The following CADM1 variants were observed in gnomAD, a reference collection of about 807,000 sequenced individuals.
The protein encoded by CADM1 is TSLC-1.
Under a neutral mutation model 53.1 loss-of-function variants are expected in CADM1, and 15 were observed. The ratio of observed to expected loss-of-function variants is 0.28; its 90% CI spans 0.19 to 0.44. The LOEUF is 0.44. Among genes scored for constraint, CADM1 ranks in the 20% least tolerant of loss-of-function variants. The pLI is 1.00. For synonymous variants in CADM1, 281 were observed against 243.0 expected (o/e 1.16, Z -1.45); for missense variants, 434 against 611.3 (o/e 0.71, Z 3.06).
intron 1 of CADM1, among the ~76,000 whole-genome samples, chr11:115,323,514 A>G (rs1350662800): frequency 2.0e-5 from 3 of 152,174 alleles, no homozygotes; most frequent in Non-Finnish European, 4.4e-5. Flanking sequence ...CCAACAGCCC[A>G]TTTCCCAAAT....
chr11:115,284,085 A>ACTCTCTCTCTCTCTCTCTCTCT (rs1449186377), intron 1 of CADM1, among the ~76,000 whole-genome samples: 10 of 23,384 alleles, frequency 4.3e-4, no homozygotes, highest in African/African-American at 1.5e-3. Flanking sequence ...ACAAGCCCAG[A>ACTCTCTCTCTCTCTCTCTCTCT]CACTCTCTCT....
In CADM1 at chr11:115,504,387, C is replaced by T. The variant is rs2135454532; in HGVS notation, c.8G>A (p.Ser3Asn). 1.3e-6 allele frequency: 2 copies of T among 1,546,254 alleles called. No individual in the cohort carries two copies. Among genetic ancestry groups the T allele is most frequent in the African/African-American group, 1.4e-5 (1 of 73,074 alleles). The change falls in exon 1 of 12, where the codon AGT becomes AAT. Residue 3 changes from serine to asparagine, a missense_variant. This residue lies in a region of CADM1 where 76 missense variants were observed against 59.8 expected (regional missense o/e 1.27). Transcript: ENST00000331581. MASVVLPSGSQCA... is the reference protein window; with the variant it reads MANVVLPSGSQCA... The stretch of plus-strand genomic sequence containing the variant: ...CTGGGATCCGCTCGGCAGCACTACA[C>T]TCGCCATGTCGGGCACCTGCCTCAG...
At chr11:115,414,012 C>T (rs1210080845) in intron 1 of CADM1, among the ~76,000 whole-genome samples, 1 of 152,020 alleles carries the variant, frequency 6.6e-6, no homozygotes, top group East Asian at 1.9e-4. Context: ...CTCATGATAT[C>T]ACACTCATAA....
chr11:115,288,054 T>C lies in CADM1; in HGVS notation c.125-47634A>G, dbSNP rs558615000. Among the ~76,000 whole-genome samples the C allele has an allele frequency of 2.0e-5, 3 of 152,326 alleles. No individual in the cohort carries two copies. In the East Asian group the frequency reaches 5.8e-4, roughly 29 times the overall value. On this transcript the variant is annotated intron_variant, in intron 1 of 11. Transcript: ENST00000331581. ...AAGGCCTTGTGATGAAATGACATTC[T>C]GTGTGAAGAAATTCCATCAGAATCT...
chr11:115,308,289 G>A (rs1460281385), intron 1 of CADM1, among the ~76,000 whole-genome samples: 4 of 151,058 alleles, frequency 2.6e-5, no homozygotes, highest in Non-Finnish European at 5.9e-5. Flanking sequence ...GTACTCTGGA[G>A]CAAAACACTC....
At chr11:115,187,201 GAATAA>G in intron 10 of CADM1, among the ~76,000 whole-genome samples, 1 of 152,132 alleles carries the variant, frequency 6.6e-6, no homozygotes, top group African/African-American at 2.4e-5. Context: ...TCTACCAAGG[GAATAA>G]AATAGCCTGT....
chr11:115,202,767 C>T (rs1940493241), intron 8 of CADM1, among the ~76,000 whole-genome samples: 1 of 151,968 alleles, frequency 6.6e-6, no homozygotes, highest in East Asian at 1.9e-4. Flanking sequence ...TAAATCTAGA[C>T]ACTAGGGCAG....
chr11:115,373,906 G>T (rs149114523), intron 1 of CADM1, among the ~76,000 whole-genome samples: 188 of 152,298 alleles, frequency 1.2e-3, no homozygotes, highest in African/African-American at 4.2e-3. Flanking sequence ...ATGATTTTAA[G>T]TGAAAGCTAC....
chr11:115,252,775 A>G (rs924954573), intron 1 of CADM1, among the ~76,000 whole-genome samples: 3 of 152,180 alleles, frequency 2.0e-5, no homozygotes, highest in African/African-American at 7.2e-5. Context: ...TCAGATGCCA[A>G]ACATCTTGAG....
At chr11:115,351,924 T>A (rs1218956594) in intron 1 of CADM1, among the ~76,000 whole-genome samples, 2 of 152,114 alleles carry the variant, frequency 1.3e-5, no homozygotes, top group African/African-American at 4.8e-5. Context: ...CATAGGAAGC[T>A]TCCTCAGTTA....
chr11:115,402,278 A>C (rs538994354), intron 1 of CADM1, among the ~76,000 whole-genome samples: 2 of 152,296 alleles, frequency 1.3e-5, no homozygotes, highest in Admixed American at 6.5e-5. Context: ...TAATACCAGC[A>C]CTTTGGGAGG....
intron 1 of CADM1, among the ~76,000 whole-genome samples, chr11:115,502,762 C>T (rs1350627375): frequency 1.3e-5 from 2 of 152,164 alleles, no homozygotes; most frequent in African/African-American, 4.8e-5. Context: ...CTCAAGCTAG[C>T]ACCCCCACAC....
At chr11:115,436,415 C>T (rs1948183572) in intron 1 of CADM1, among the ~76,000 whole-genome samples, 1 of 152,174 alleles carries the variant, frequency 6.6e-6, no homozygotes, top group Non-Finnish European at 1.5e-5. Context: ...TCATATTCAA[C>T]TCCCCCTCCT....
intron 1 of CADM1, among the ~76,000 whole-genome samples, chr11:115,477,748 C>A (rs990312750): frequency 2.0e-5 from 3 of 152,254 alleles, no homozygotes; most frequent in Non-Finnish European, 2.9e-5. Flanking sequence ...AACAAACTGG[C>A]TGCACTGGAG....
chr11:115,504,334 GCGCCGC>G lies in CADM1; in HGVS notation c.55_60del (p.Ala19_Ala20del), dbSNP rs763822269. 2 of 1,550,560 alleles carry G rather than the reference GCGCCGC, an allele frequency of 1.3e-6. No individual in the cohort carries two copies. Among genetic ancestry groups the G allele is most frequent in the Non-Finnish European group, 1.7e-6 (2 of 1,147,234 alleles). On this transcript the variant is annotated inframe_deletion, in exon 1 of 12. Coordinates refer to ENST00000331581, the MANE Select transcript of CADM1 (RefSeq NM_001301043.2). ...AGAAGCCGGAGCCGGAGCCCGGGAG[GCGCCGC>G]CGCCGCCGCTGCCGCCGCACACTGG...
chr11:115,206,846 A>G (rs1377915531), intron 8 of CADM1, among the ~76,000 whole-genome samples: 3 of 127,236 alleles, frequency 2.4e-5, no homozygotes, highest in African/African-American at 5.9e-5. Context: ...TTTAAGGCTA[A>G]TGGTGGCTGT....
chr11:115,264,895 G>C (rs891855000), intron 1 of CADM1, among the ~76,000 whole-genome samples: 2 of 152,080 alleles, frequency 1.3e-5, no homozygotes, highest in Non-Finnish European at 2.9e-5. Context: ...GGTGGGAATG[G>C]GGAAGGAGAG....
chr11:115,487,676 C>T (rs901640668), intron 1 of CADM1, among the ~76,000 whole-genome samples: 19 of 152,242 alleles, frequency 1.2e-4, no homozygotes, highest in Admixed American at 9.8e-4. Flanking sequence ...GAAAACTGAA[C>T]AGTGGTTAAA....
intron 1 of CADM1, among the ~76,000 whole-genome samples, chr11:115,256,040 T>C (rs1293649346): frequency 6.6e-6 from 1 of 152,206 alleles, no homozygotes; most frequent in Non-Finnish European, 1.5e-5. Context: ...TTGGTTTTAT[T>C]GTTACTGTGT....
Sources: gnomAD v4.1 joint callset for allele counts (sites outside exome capture counted in the v4.1 genomes callset) on GRCh38, gnomAD v4.1.1 for gene constraint, gnomAD v4.1.1 regional missense constraint, MANE v1.5 for transcripts, NCBI Gene and HGNC (gene_info 2026-07-23, HGNC 2026-07-21) for gene names.